The following PPARG variants were observed in gnomAD, a reference collection of about 807,000 sequenced individuals.
PPARG encodes the protein peroxisome proliferator activated receptor gamma, also known as peroxisome proliferator-activated receptor gamma.
A neutral mutation model predicts 39.2 loss-of-function variants in PPARG; 17 were observed. That is an observed-to-expected ratio of 0.43 (90% CI 0.30 to 0.65). PPARG has a LOEUF of 0.65. Among genes scored for constraint, PPARG ranks in the 30% least tolerant of loss-of-function variants. The probability of loss-of-function intolerance (pLI) is 0.13; values close to 1 mark genes in which losing one functional copy is unlikely to be tolerated. For synonymous variants in PPARG, 223 were observed against 215.7 expected, an observed-to-expected ratio of 1.03 and a Z score of -0.30; for missense variants, 406 against 585.9, an observed-to-expected ratio of 0.69 and a Z score of 3.17.
intron 1 of PPARG, among the ~76,000 whole-genome samples, chr3:12,304,847 A>C (rs2047018715): frequency 6.6e-6 from 1 of 152,222 alleles, no homozygotes; most frequent in African/African-American, 2.4e-5. Flanking sequence ...ACAATGGGAA[A>C]ACTTTTTGGC....
chr3:12,408,318 C>G (rs1281488516), intron 6 of PPARG, among the ~76,000 whole-genome samples: 1 of 152,152 alleles, frequency 6.6e-6, no homozygotes, highest in Non-Finnish European at 1.5e-5. Flanking sequence ...TTACAAAAGT[C>G]CTTGACTAGG....
intron 2 of PPARG, among the ~76,000 whole-genome samples, chr3:12,354,897 G>C (rs1333473934): frequency 6.6e-6 from 1 of 152,176 alleles, no homozygotes; most frequent in African/African-American, 2.4e-5. Flanking sequence ...TCTCCTGTGA[G>C]TGTTTTGAGA....
chr3:12,357,029 C>T (rs903121525), intron 2 of PPARG, among the ~76,000 whole-genome samples: 12 of 152,242 alleles, frequency 7.9e-5, no homozygotes, highest in Admixed American at 3.9e-4. Flanking sequence ...TCTCTTCTGC[C>T]GCTTCCACTG....
chr3:12,334,972 G>C (rs1469009121), intron 2 of PPARG, among the ~76,000 whole-genome samples: 1 of 152,090 alleles, frequency 6.6e-6, no homozygotes, highest in East Asian at 1.9e-4. Context: ...CTTCAGACTG[G>C]CCTCCTGTGA....
chr3:12,329,556 G>A (rs532738398), intron 2 of PPARG, among the ~76,000 whole-genome samples: 12 of 152,128 alleles, frequency 7.9e-5, no homozygotes, highest in African/African-American at 1.7e-4. Flanking sequence ...CTATTAGTTC[G>A]TTAAAAGTTT....
At chr3:12,384,844 A>C (rs1027642422) in intron 4 of PPARG, among the ~76,000 whole-genome samples, 1 of 152,148 alleles carries the variant, frequency 6.6e-6, no homozygotes, top group Non-Finnish European at 1.5e-5. Flanking sequence ...TGTATATAAT[A>C]ATTTCTCAGT....
At chr3:12,370,262 G>A (rs1405843202) in intron 2 of PPARG, among the ~76,000 whole-genome samples, 3 of 150,982 alleles carry the variant, frequency 2.0e-5, no homozygotes, top group African/African-American at 7.3e-5. Context: ...GAAGTTCAGT[G>A]TCATTCTGAT....
At chr3:12,369,692 T>C (rs929863751) in intron 2 of PPARG, among the ~76,000 whole-genome samples, 4 of 152,306 alleles carry the variant, frequency 2.6e-5, no homozygotes, top group African/African-American at 4.8e-5. Flanking sequence ...TGTGCTTACA[T>C]TGTAGTAACT....
intron 2 of PPARG, among the ~76,000 whole-genome samples, chr3:12,322,221 G>A (rs1239828552): frequency 2.0e-5 from 3 of 152,192 alleles, no homozygotes; most frequent in Non-Finnish European, 4.4e-5. Context: ...ACTGGCTAGC[G>A]CTTTTTAGCT....
At chr3:12,339,358 T>C (rs1326541908) in intron 2 of PPARG, among the ~76,000 whole-genome samples, 1 of 152,184 alleles carries the variant, frequency 6.6e-6, no homozygotes. Flanking sequence ...TCTTACTAGG[T>C]GATGAAAATG....
chr3:12,349,522 C>T (rs2048419998), intron 2 of PPARG, among the ~76,000 whole-genome samples: 1 of 152,318 alleles, frequency 6.6e-6, no homozygotes, highest in African/African-American at 2.4e-5. Context: ...ATTTACTGAG[C>T]TGCTATGTGG....
At chr3:12,389,229 A>G (rs1334527656) in intron 4 of PPARG, among the ~76,000 whole-genome samples, 2 of 152,156 alleles carry the variant, frequency 1.3e-5, no homozygotes, top group African/African-American at 2.4e-5. Context: ...TACTTTGGCA[A>G]TCAATATTAG....
intron 2 of PPARG, among the ~76,000 whole-genome samples, chr3:12,363,785 C>T (rs2048928414): frequency 6.6e-6 from 1 of 152,214 alleles, no homozygotes; most frequent in Admixed American, 6.5e-5. Flanking sequence ...TCCCCTATCA[C>T]TGCAAAGCCA....
intron 2 of PPARG, among the ~76,000 whole-genome samples, chr3:12,337,954 C>G (rs2048062084): frequency 6.6e-6 from 1 of 152,064 alleles, no homozygotes; most frequent in East Asian, 1.9e-4. Flanking sequence ...ACTTGAGCAT[C>G]TTGGATTTTT....
At chr3:12,301,188 A>G (rs2046915863) in intron 1 of PPARG, among the ~76,000 whole-genome samples, 1 of 152,224 alleles carries the variant, frequency 6.6e-6, no homozygotes, top group Non-Finnish European at 1.5e-5. Flanking sequence ...TTCTGGTCAG[A>G]AGAACAGGTT....
intron 2 of PPARG, among the ~76,000 whole-genome samples, chr3:12,374,777 A>G (rs866809165): frequency 9.9e-5 from 15 of 151,938 alleles, no homozygotes; most frequent in South Asian, 4.2e-4. Context: ...TAGAGAGGGG[A>G]CAGGAGGCTG....
intron 2 of PPARG, among the ~76,000 whole-genome samples, chr3:12,362,946 T>G (rs913369917): frequency 6.6e-6 from 1 of 152,154 alleles, no homozygotes; most frequent in African/African-American, 2.4e-5. Context: ...TGGTGGTGGT[T>G]GTTTTTGAGA....
chr3:12,428,122 A>G, intron 7 of PPARG, among the ~76,000 whole-genome samples: 1 of 152,172 alleles, frequency 6.6e-6, no homozygotes, highest in Non-Finnish European at 1.5e-5. Context: ...AATCTGTGCT[A>G]GGGAAACACC....
chr3:12,425,043 C>T (rs1001855660), intron 7 of PPARG, among the ~76,000 whole-genome samples: 1 of 152,206 alleles, frequency 6.6e-6, no homozygotes, highest in African/African-American at 2.4e-5. Flanking sequence ...CTTAAGATCG[C>T]TTATTACAAT....
Sources: allele counts gnomAD v4.1 joint callset (sites outside exome capture counted in the v4.1 genomes callset), GRCh38; gene constraint gnomAD v4.1.1; transcripts MANE v1.5; gene names NCBI Gene and HGNC (gene_info 2026-07-23, HGNC 2026-07-21).